Variants in LARS1 observed in about 807,000 individuals in gnomAD.
LARS1 encodes the protein leucyl-tRNA synthetase 1, also known as leucine--tRNA ligase, cytoplasmic.
LARS1 carries 100 observed loss-of-function variants against 162.8 expected under a neutral mutation model. The ratio of observed to expected loss-of-function variants is 0.61; its 90% CI spans 0.52 to 0.73. The LOEUF (loss-of-function observed/expected upper bound fraction) is 0.73, where lower values mean the gene tolerates loss of function less well. Among genes scored for constraint, LARS1 ranks in the 30% least tolerant of loss-of-function variants. The pLI is 0.00. For missense variants in LARS1, 1,258 were observed against 1,408.9 expected (o/e 0.89, Z 1.71); for synonymous variants, 457 against 462.8 (o/e 0.99, Z 0.16).
At chr5:146,165,601 G>A (rs1753970776) in intron 5 of LARS1, among the ~76,000 whole-genome samples, 1 of 152,038 alleles carries the variant, frequency 6.6e-6, no homozygotes, top group African/African-American at 2.4e-5. Context: ...GATGCTGAAG[G>A]AACCTGAGGA....
rs73315752 is a variant in LARS1, at chr5:146,131,299, G to A, written c.2397-190C>T. ...CTGCTCAACACAACACCATCTTTGC[G>A]TTCCTTAAAACAAATTACTGCAATC... On this transcript the variant is annotated intron_variant, in intron 23 of 31. Transcript: ENST00000394434. 2,845 of 411,206 alleles carry A rather than the reference G, an allele frequency of 6.9e-3. 68 individuals carry two copies. Among genetic ancestry groups the A allele is most frequent in the African/African-American group, 0.052 (2,519 of 48,190 alleles). The allele number at this position is 411,206 out of a possible 1,614,324, so 25.5% of individuals were successfully genotyped here.
At chr5:146,133,706 A>AAG (rs1432169465) in intron 22 of LARS1, among the ~76,000 whole-genome samples, 1 of 151,488 alleles carries the variant, frequency 6.6e-6, no homozygotes, top group East Asian at 1.9e-4. Context: ...AAAAAAAAAA[A>AAG]AAAAAAGAGG....
intron 6 of LARS1, among the ~76,000 whole-genome samples, chr5:146,162,613 T>C (rs1380658879): frequency 6.6e-6 from 1 of 152,200 alleles, no homozygotes; most frequent in Non-Finnish European, 1.5e-5. Context: ...TTAAAGTCAG[T>C]AGACACATTA....
chr5:146,182,329 T>C (rs1005194635), intron 1 of LARS1, 159 bp downstream of exon 1: 1 of 855,560 alleles, frequency 1.2e-6, no homozygotes, highest in African/African-American at 1.7e-5. Context: ...TCGTGGTTCA[T>C]AAACTAGCAA....
chr5:146,179,621 G>A (rs1361242680), intron 1 of LARS1: 1 of 406,448 alleles, frequency 2.5e-6, no homozygotes, highest in Admixed American at 2.8e-5. Context: ...GTGAGAGAGA[G>A]AGGGTCTCCC....
chr5:146,172,863 G>A, intron 2 of LARS1, 89 bp from the exon 3 acceptor site: 1 of 520,832 alleles, frequency 1.9e-6, no homozygotes, highest in Non-Finnish European at 3.3e-6. Flanking sequence ...GGAAATGCTT[G>A]ATATAAATAA....
At chr5:146,156,519 C>T (rs1380668715) in intron 10 of LARS1, among the ~76,000 whole-genome samples, 1 of 151,954 alleles carries the variant, frequency 6.6e-6, no homozygotes, top group East Asian at 1.9e-4. Context: ...CATGATGAAA[C>T]CCTGTCTCTA....
intron 29 of LARS1, among the ~76,000 whole-genome samples, chr5:146,123,346 A>T (rs1469739408): frequency 6.6e-6 from 1 of 151,928 alleles, no homozygotes; most frequent in Non-Finnish European, 1.5e-5. Flanking sequence ...CTATATATAA[A>T]GTTGTGAGTG....
intron 1 of LARS1, among the ~76,000 whole-genome samples, chr5:146,180,490 G>T (rs1229861769): frequency 1.3e-5 from 2 of 151,526 alleles, no homozygotes; most frequent in Non-Finnish European, 2.9e-5. Context: ...GCCTGGGAAA[G>T]AATGAGACTC....
chr5:146,168,963 T>A (rs979448491), intron 4 of LARS1, among the ~76,000 whole-genome samples: 6 of 152,006 alleles, frequency 3.9e-5, no homozygotes, highest in Non-Finnish European at 8.8e-5. Context: ...ATACCTAATG[T>A]AAATGACGAG....
intron 6 of LARS1, 118 bp downstream of exon 6, chr5:146,164,192 G>T (rs532702186): frequency 4.0e-6 from 4 of 994,532 alleles, no homozygotes; most frequent in Non-Finnish European, 4.6e-6. Context: ...TCAACGCAGG[G>T]TTGCCACAAA....
At chr5:146,172,074 T>G in intron 3 of LARS1, 84 bp from the exon 4 acceptor site, 1 of 1,216,250 alleles carries the variant, frequency 8.2e-7, no homozygotes, top group Non-Finnish European at 1.2e-6. Flanking sequence ...AAAAAATTAG[T>G]TTTCTTCTTT....
Position 146,157,797 on chromosome 5 carries a change from T to G in LARS1, c.772-2A>C. 1.2e-6 allele frequency: 2 copies of G among 1,613,566 alleles called. No individual in the cohort carries two copies. Among genetic ancestry groups the G allele is most frequent in the Non-Finnish European group, 1.7e-6 (2 of 1,179,672 alleles). On this transcript the variant is annotated splice_acceptor_variant, in intron 8 of 31. Transcript: ENST00000394434. LOFTEE classifies it high-confidence loss of function. ...AGTATATTCCTGAGGTCCAACACCC[T>G]AAGCAAATAAACGATACAAAAATTT...
chr5:146,126,396 T>C lies in LARS1; in HGVS notation c.2991+39A>G, dbSNP rs375542336. ...TCCTTCTATTGTCCCATCTAACCAT[T>C]GCTCATGTGGTCACAGCTGCATAAG... is the stretch of plus-strand genomic sequence containing the variant. On this transcript the variant is annotated intron_variant, in intron 28 of 31. Transcript: ENST00000394434. The C allele has an allele frequency of 7.1e-6, 9 of 1,264,426 alleles. No homozygotes were observed. The African/African-American group carries it at 1.3e-4, about 19-fold the overall frequency. 78.3% of individuals were successfully genotyped at this position (1,264,426 alleles called of 1,614,324 possible).
chr5:146,147,307 C>A (rs2126499525), intron 15 of LARS1, among the ~76,000 whole-genome samples: 1 of 152,134 alleles, frequency 6.6e-6, no homozygotes, highest in South Asian at 2.1e-4. Flanking sequence ...GAGGCACATG[C>A]CTGTAGTCCT....
intron 23 of LARS1, chr5:146,132,547 G>A (rs1447704451): frequency 5.8e-6 from 1 of 171,530 alleles, no homozygotes; most frequent in Non-Finnish European, 1.2e-5. Context: ...AAATGGTTAT[G>A]AGAACAGACT....
At chr5:146,130,447 T>TC (rs1269894781) in intron 24 of LARS1, 1 of 372,976 alleles carries the variant, frequency 2.7e-6, no homozygotes, top group Non-Finnish European at 4.8e-6. Flanking sequence ...GGGTGACTGC[T>TC]CTTAGCAGCA....
chr5:146,128,952 TA>T lies in LARS1; in HGVS notation c.2769+25del, dbSNP rs747958835. On this transcript the variant is annotated intron_variant, in intron 26 of 31. Transcript: ENST00000394434. ...CAATAACTTTTAAGGAATAATCCTT[TA>T]AAAAAAAAAACAAAAAAACTTTACC... 2,985 of 1,182,122 alleles carry T rather than the reference TA, an allele frequency of 2.5e-3. 1 individual carries two copies. Among genetic ancestry groups the T allele is most frequent in the Non-Finnish European group, 2.7e-3 (2,350 of 868,056 alleles). The allele number at this position is 1,182,122 out of a possible 1,614,324, so 73.2% of individuals were successfully genotyped here.
intron 1 of LARS1, among the ~76,000 whole-genome samples, chr5:146,181,627 G>T (rs551675538): frequency 1.3e-5 from 2 of 152,020 alleles, no homozygotes; most frequent in South Asian, 4.2e-4. Context: ...ATTCCAGTCT[G>T]GGTCACAGAG....
Sources: allele counts gnomAD v4.1 joint callset (sites outside exome capture counted in the v4.1 genomes callset), GRCh38; gene constraint gnomAD v4.1.1; transcripts MANE v1.5; gene names NCBI Gene and HGNC (gene_info 2026-07-23, HGNC 2026-07-21).